ITFG1: variants seen among roughly 807,000 people sequenced by gnomAD.
ITFG1 encodes the protein integrin alpha FG-GAP repeat containing 1, also known as T-cell immunomodulatory protein.
In ITFG1, 34 loss-of-function variants were observed where a neutral mutation model predicts 81.8. The observed-to-expected ratio is 0.42, with a 90% CI of 0.32 to 0.55. The LOEUF is 0.55. Among genes scored for constraint, ITFG1 ranks in the 20% least tolerant of loss-of-function variants. ITFG1 has a pLI of 0.17. For synonymous variants in ITFG1, 285 were observed against 270.6 expected, an observed-to-expected ratio of 1.05 and a Z score of -0.52; for missense variants, 672 against 755.4, an observed-to-expected ratio of 0.89 and a Z score of 1.29.
At chr16:47,191,589 A>G (rs1480158676) in intron 14 of ITFG1, among the ~76,000 whole-genome samples, 1 of 151,940 alleles carries the variant, frequency 6.6e-6, no homozygotes, top group Admixed American at 6.5e-5. Flanking sequence ...GCTCACTGCA[A>G]CCTCCAACTC....
At chr16:47,184,441 G>A (rs955889837) in intron 14 of ITFG1, among the ~76,000 whole-genome samples, 30 of 152,122 alleles carry the variant, frequency 2.0e-4, no homozygotes, top group Admixed American at 1.2e-3. Context: ...CGGCAGAAAC[G>A]CTACAAGCCA....
chr16:47,423,527 T>C (rs1413302900), intron 6 of ITFG1, among the ~76,000 whole-genome samples: 2 of 152,230 alleles, frequency 1.3e-5, no homozygotes, highest in African/African-American at 4.8e-5. Context: ...CTTCCTAGCA[T>C]TGATGGTCTT....
chr16:47,268,232 T>C (rs1046084998), intron 10 of ITFG1, among the ~76,000 whole-genome samples: 4 of 152,118 alleles, frequency 2.6e-5, no homozygotes, highest in African/African-American at 9.7e-5. Flanking sequence ...TTAGGGATTT[T>C]AAAAGGATGA....
At chr16:47,418,004 G>C (rs951366681) in intron 6 of ITFG1, among the ~76,000 whole-genome samples, 1 of 152,064 alleles carries the variant, frequency 6.6e-6, no homozygotes, top group African/African-American at 2.4e-5. Context: ...CAATGTATAA[G>C]TGTTCTCATT....
At chr16:47,373,933 TTATC>T (rs1968292003) in intron 7 of ITFG1, among the ~76,000 whole-genome samples, 3 of 152,242 alleles carry the variant, frequency 2.0e-5, no homozygotes, top group Non-Finnish European at 2.9e-5. Context: ...AAACAAAACT[TTATC>T]TATCCTAGTT....
intron 8 of ITFG1, among the ~76,000 whole-genome samples, chr16:47,318,353 C>G (rs1967397167): frequency 6.6e-6 from 1 of 152,096 alleles, no homozygotes; most frequent in Non-Finnish European, 1.5e-5. Flanking sequence ...TATAGTATTA[C>G]ATTGTATGAA....
chr16:47,183,133 C>T (rs1305631368), intron 14 of ITFG1, among the ~76,000 whole-genome samples: 3 of 152,232 alleles, frequency 2.0e-5, no homozygotes, highest in African/African-American at 4.8e-5. Context: ...GGTCCTACGC[C>T]CACGGAGTCT....
intron 14 of ITFG1, among the ~76,000 whole-genome samples, chr16:47,173,874 C>T (rs961975851): frequency 6.6e-6 from 1 of 152,098 alleles, no homozygotes; most frequent in South Asian, 2.1e-4. Context: ...AACGCCACCT[C>T]TACTAAAAAT....
chr16:47,234,321 G>A (rs980092186), intron 13 of ITFG1, among the ~76,000 whole-genome samples: 10 of 152,042 alleles, frequency 6.6e-5, no homozygotes, highest in Non-Finnish European at 1.2e-4. Flanking sequence ...GAATCAAAAC[G>A]AAATAGAAAT....
At chr16:47,403,207 A>T (rs1968684484) in intron 6 of ITFG1, among the ~76,000 whole-genome samples, 1 of 151,776 alleles carries the variant, frequency 6.6e-6, no homozygotes, top group African/African-American at 2.4e-5. Flanking sequence ...ACACCAAGCC[A>T]ACAATACCAA....
chr16:47,444,494 A>G (rs1459763802), intron 5 of ITFG1, among the ~76,000 whole-genome samples: 3 of 152,314 alleles, frequency 2.0e-5, no homozygotes, highest in South Asian at 2.1e-4. Context: ...GAATTTAATA[A>G]AAGAAAAAGG....
At chr16:47,216,737 C>T (rs1267740753) in intron 14 of ITFG1, among the ~76,000 whole-genome samples, 1 of 151,304 alleles carries the variant, frequency 6.6e-6, no homozygotes, top group Non-Finnish European at 1.5e-5. Flanking sequence ...TCTCGGCTCA[C>T]TGCAACATCT....
chr16:47,263,372 C>G (rs567158979), intron 10 of ITFG1: 1 of 479,974 alleles, frequency 2.1e-6, no homozygotes, highest in Non-Finnish European at 4.3e-6. Flanking sequence ...AGCCATCTAC[C>G]AAGCCACCTG....
chr16:47,159,640 C>T (rs1964769420), intron 16 of ITFG1, among the ~76,000 whole-genome samples: 1 of 152,158 alleles, frequency 6.6e-6, no homozygotes, highest in East Asian at 1.9e-4. Context: ...CCTTCTAAAA[C>T]AGTCCATGTA....
rs140500824 is a variant in ITFG1 at position 47,418,301 on chromosome 16, C to T, written c.655+10503G>A. Among the ~76,000 whole-genome samples, 21 of 152,228 alleles carry T rather than the reference C, an allele frequency of 1.4e-4. No homozygotes were observed. The East Asian group carries it at 4.1e-3, about 29-fold the overall frequency. On this transcript the variant is annotated intron_variant, in intron 6 of 17. Transcript: ENST00000320640. ...TGTCCCTTGCCTAATGAACAGTTTC[C>T]AAATATTTTCTCTCATTATACAGGT...
Position 47,452,794 on chromosome 16 carries a change from C to CA in ITFG1, c.428-5dup. On this transcript the variant is annotated splice_polypyrimidine_tract_variant and splice_region_variant and intron_variant, in intron 3 of 17. Transcript: ENST00000320640. ...AGTATGGTCATATTGTTAGGATCTG[C>CA]AAAAAAGATATATATATATATGAAT... 6.7e-7 allele frequency: 1 copy of CA among 1,484,984 alleles called. No individual in the cohort carries two copies. The highest frequency in any genetic ancestry group is 1.4e-5 in the African/African-American group (1 of 70,630). The allele number at this position is 1,484,984 out of a possible 1,614,324, so 92.0% of individuals were successfully genotyped here.
chr16:47,322,382 C>T (rs149001952), intron 8 of ITFG1, among the ~76,000 whole-genome samples: 16 of 152,086 alleles, frequency 1.1e-4, no homozygotes, highest in Admixed American at 8.5e-4. Context: ...TGATCTACAA[C>T]GTGATGTTTT....
intron 7 of ITFG1, among the ~76,000 whole-genome samples, chr16:47,373,906 G>A (rs954125916): frequency 7.2e-5 from 11 of 152,118 alleles, no homozygotes; most frequent in African/African-American, 2.7e-4. Flanking sequence ...AATTGAAAAT[G>A]ATCATTCATT....
chr16:47,402,299 A>G (rs779751126), intron 6 of ITFG1, among the ~76,000 whole-genome samples: 15 of 152,350 alleles, frequency 9.8e-5, no homozygotes, highest in Non-Finnish European at 1.5e-4. Context: ...TTATATGTCT[A>G]TAAGTATATA....
Sources: gnomAD v4.1 joint callset for allele counts (sites outside exome capture counted in the v4.1 genomes callset) on GRCh38, gnomAD v4.1.1 for gene constraint, MANE v1.5 for transcripts, NCBI Gene and HGNC (gene_info 2026-07-23, HGNC 2026-07-21) for gene names.